The following PCDHGA12 variants were observed in gnomAD, a reference collection of about 807,000 sequenced individuals.
PCDHGA12 encodes protocadherin gamma-A12.
In PCDHGA12, 43 loss-of-function variants were observed where a neutral mutation model predicts 61.1. The ratio of observed to expected loss-of-function variants is 0.70; its 90% CI spans 0.55 to 0.91. PCDHGA12 has a LOEUF of 0.91. Among genes scored for constraint, PCDHGA12 ranks in the 40% least tolerant of loss-of-function variants. The pLI is 0.00. For synonymous variants in PCDHGA12, 520 were observed against 542.9 expected (o/e 0.96, Z 0.59); for missense variants, 1,236 against 1,227.7 (o/e 1.01, Z -0.10).
intron 1 of PCDHGA12, among the ~76,000 whole-genome samples, chr5:141,452,353 AG>A (rs556616398): frequency 5.9e-5 from 9 of 152,206 alleles, no homozygotes; most frequent in Non-Finnish European, 1.3e-4. Context: ...TTTATCCAAA[AG>A]CCTTGCTTCA....
chr5:141,450,092 C>T (rs761677942), intron 1 of PCDHGA12, among the ~76,000 whole-genome samples: 2 of 148,672 alleles, frequency 1.3e-5, no homozygotes, highest in Non-Finnish European at 3.0e-5. Flanking sequence ...CTGCAACCTC[C>T]GCCTCCCAGG....
At chr5:141,453,964 C>T (rs2098778500) in intron 1 of PCDHGA12, among the ~76,000 whole-genome samples, 1 of 152,296 alleles carries the variant, frequency 6.6e-6, no homozygotes, top group Non-Finnish European at 1.5e-5. Context: ...GACAGCAAAG[C>T]ATGTAGTTGT....
rs1158395811 is a variant in PCDHGA12, at chr5:141,476,020, T to TCGGCGCC, written c.2425-18785_2425-18779dup. The stretch of plus-strand genomic sequence containing the variant: ...CGGCATCCAGAAAGCCATGTCGGAC[T>TCGGCGCC]CGGCGCCCAGCGCCCAAGCGCTAAC... On this transcript the variant is annotated intron_variant, in intron 1 of 3. Transcript: ENST00000252085. The surrounding 1 kb of genome is among the most constrained non-coding windows in gnomAD (Gnocchi z 7.6). 2.1e-6 allele frequency: 3 copies of TCGGCGCC among 1,398,716 alleles called. No homozygotes were observed. The African/African-American group carries it at 4.3e-5, about 20-fold the overall frequency. The allele number at this position is 1,398,716 out of a possible 1,614,324, so 86.6% of individuals were successfully genotyped here. A position where few individuals can be genotyped will look rare whatever the true frequency, so the allele number is the denominator to read the frequency against.
intron 2 of PCDHGA12, among the ~76,000 whole-genome samples, chr5:141,498,024 A>G (rs1455238086): frequency 6.6e-6 from 1 of 152,200 alleles, no homozygotes; most frequent in East Asian, 1.9e-4. Flanking sequence ...GGAGACAAAT[A>G]TTGACCAAAT....
chr5:141,477,043 G>A lies in PCDHGA12; in HGVS notation c.2425-17764G>A. The A allele has an allele frequency of 6.2e-7, 1 of 1,614,260 alleles. No individual in the cohort carries two copies. Among genetic ancestry groups the A allele is most frequent in the Middle Eastern group, 1.6e-4 (1 of 6,062 alleles). On this transcript the variant is annotated intron_variant, in intron 1 of 3. Coordinates refer to ENST00000252085, the MANE Select transcript of PCDHGA12 (RefSeq NM_003735.3). This position sits in a 1 kb window ranked among gnomAD's most constrained non-coding sequence, Gnocchi z 4.9. The stretch of plus-strand genomic sequence containing the variant: ...CCGGGATGCTGACAATCAAGGGTCG[G>A]CTGGACTTCGAGGACACCAAACTCC...
intron 1 of PCDHGA12, among the ~76,000 whole-genome samples, chr5:141,457,057 C>T (rs1224573005): frequency 6.6e-6 from 1 of 152,182 alleles, no homozygotes; most frequent in Non-Finnish European, 1.5e-5. Flanking sequence ...TTCATGCTTC[C>T]TTTTTGCCAG....
rs201458212 is a variant in PCDHGA12 at position 141,487,439 on chromosome 5, T to A, written c.2425-7368T>A. On this transcript the variant is annotated intron_variant, in intron 1 of 3. Coordinates refer to ENST00000252085, the MANE Select transcript of PCDHGA12 (RefSeq NM_003735.3). The surrounding 1 kb of genome is among the most constrained non-coding windows in gnomAD (Gnocchi z 5.0). ...TGGGATCCTCCGAATCCAGCTAGGG[T>A]CAGATGACCCTATCAAGTTTGTTGA... The A allele has an allele frequency of 1.5e-4, 242 of 1,613,808 alleles. No individual in the cohort carries two copies. Among genetic ancestry groups the A allele is most frequent in the Non-Finnish European group, 1.9e-4 (230 of 1,179,978 alleles).
chr5:141,481,895 A>G (rs1285005477), intron 1 of PCDHGA12, among the ~76,000 whole-genome samples: 2 of 147,522 alleles, frequency 1.4e-5, no homozygotes, highest in Non-Finnish European at 3.0e-5. Context: ...GCCTGGGTGA[A>G]AGAGCGAAAC....
At chr5:141,504,378 C>T (rs2099837786) in intron 2 of PCDHGA12, among the ~76,000 whole-genome samples, 1 of 152,052 alleles carries the variant, frequency 6.6e-6, no homozygotes, top group Non-Finnish European at 1.5e-5. Flanking sequence ...CAGGTGGAGT[C>T]GCTGCCTCAC....
chr5:141,463,532 T>C (rs1237301892), intron 1 of PCDHGA12, among the ~76,000 whole-genome samples: 2 of 133,692 alleles, frequency 1.5e-5, no homozygotes, highest in Non-Finnish European at 3.1e-5. Flanking sequence ...TACTAGAAAC[T>C]CCGGCTCCCG....
intron 1 of PCDHGA12, chr5:141,479,563 G>A (rs1469231382): frequency 2.6e-5 from 4 of 152,206 alleles, no homozygotes; most frequent in Admixed American, 2.0e-4. Context: ...ATCCAGTAGT[G>A]GGATGACATC....
chr5:141,475,013 G>T (rs950376592), intron 1 of PCDHGA12, among the ~76,000 whole-genome samples: 1 of 152,176 alleles, frequency 6.6e-6, no homozygotes, highest in African/African-American at 2.4e-5. Context: ...AAAAGTTAAG[G>T]CTCTTTATTC....
At position 141,486,813 on chromosome 5, in the gene PCDHGA12, G is replaced by A; in HGVS notation, c.2425-7994G>A. On this transcript the variant is annotated intron_variant, in intron 1 of 3. Transcript: ENST00000252085. The surrounding 1 kb of genome is among the most constrained non-coding windows in gnomAD (Gnocchi z 5.0). ...GATCGGGGCAACCCACCCCTTAGCA[G>A]CACTGTAACAGTTCGTCTATTTGTG... The A allele has an allele frequency of 6.2e-7, 1 of 1,614,212 alleles. No individual in the cohort carries two copies.
chr5:141,469,500 G>A (rs1471801110), intron 1 of PCDHGA12, among the ~76,000 whole-genome samples: 4 of 151,914 alleles, frequency 2.6e-5, no homozygotes, highest in South Asian at 2.1e-4. Flanking sequence ...GCTTGAACCC[G>A]GGAGGTGGAG....
At chr5:141,458,403 C>T (rs1057108239) in intron 1 of PCDHGA12, among the ~76,000 whole-genome samples, 6 of 152,136 alleles carry the variant, frequency 3.9e-5, no homozygotes, top group African/African-American at 1.2e-4. Context: ...CTTGCAGAGA[C>T]GGAGCGGGGG....
chr5:141,505,653 G>A (rs1049630228), intron 3 of PCDHGA12, among the ~76,000 whole-genome samples, 172 bp downstream of exon 3: 1 of 152,184 alleles, frequency 6.6e-6, no homozygotes, highest in Non-Finnish European at 1.5e-5. Context: ...TTGTGGCTAA[G>A]GAACAGCAGA....
intron 1 of PCDHGA12, among the ~76,000 whole-genome samples, chr5:141,455,890 T>G (rs1055285369): frequency 1.3e-5 from 2 of 149,264 alleles, no homozygotes; most frequent in African/African-American, 2.4e-5. Flanking sequence ...TTTATTTATT[T>G]ATTTATTTAT....
chr5:141,496,783 C>T (rs572860852), intron 2 of PCDHGA12, among the ~76,000 whole-genome samples: 1 of 152,162 alleles, frequency 6.6e-6, no homozygotes, highest in East Asian at 1.9e-4. Context: ...GAGCAGGGCC[C>T]TGTGCTAAAC....
At chr5:141,455,503 T>C (rs1005615473) in intron 1 of PCDHGA12, among the ~76,000 whole-genome samples, 3 of 152,302 alleles carry the variant, frequency 2.0e-5, no homozygotes, top group Middle Eastern at 3.4e-3. Context: ...CTGATTTGCA[T>C]AGGGCTCAGG....
Sources: allele counts gnomAD v4.1 joint callset (sites outside exome capture counted in the v4.1 genomes callset), GRCh38; gene constraint gnomAD v4.1.1; non-coding constraint Gnocchi (gnomAD v3.1); transcripts MANE v1.5; gene names NCBI Gene and HGNC (gene_info 2026-07-23, HGNC 2026-07-21).